Variants in PDE11A observed in about 807,000 individuals in gnomAD.
The protein encoded by PDE11A is dual 3',5'-cyclic-AMP and -GMP phosphodiesterase 11A.
In PDE11A, 100 loss-of-function variants were observed where a neutral mutation model predicts 100.5. That is an observed-to-expected ratio of 1.00 (90% confidence interval 0.85 to 1.18). PDE11A has a LOEUF of 1.18. PDE11A is among the 50% of genes most tolerant of loss of function. The pLI is 0.00. For synonymous variants in PDE11A, 381 were observed against 420.8 expected (o/e 0.91, Z 1.16); for missense variants, 1,141 against 1,152.6 (o/e 0.99, Z 0.15).
chr2:177,909,242 A>AT, intron 2 of PDE11A, among the ~76,000 whole-genome samples: 1 of 152,330 alleles, frequency 6.6e-6, no homozygotes, highest in East Asian at 1.9e-4. Context: ...TTAACATGGC[A>AT]TTTTGAATGG....
chr2:177,856,411 C>T (rs1454963363), intron 5 of PDE11A, among the ~76,000 whole-genome samples: 1 of 151,914 alleles, frequency 6.6e-6, no homozygotes, highest in Non-Finnish European at 1.5e-5. Context: ...GTAAAGGATA[C>T]TCCATATATG....
chr2:177,759,173 GCA>G (rs10541503), intron 10 of PDE11A, among the ~76,000 whole-genome samples: 37,786 of 146,962 alleles, frequency 0.26, 4,812 homozygotes, highest in African/African-American at 0.34. Context: ...TGGAGCACGT[GCA>G]CACACACACA....
intron 5 of PDE11A, among the ~76,000 whole-genome samples, chr2:177,841,802 G>A (rs532951355): frequency 1.3e-5 from 2 of 152,312 alleles, no homozygotes; most frequent in Admixed American, 6.5e-5. Flanking sequence ...GCTGAGTCTT[G>A]TAGTTCTTAG....
chr2:177,639,800 G>A (rs1237192535), intron 19 of PDE11A, among the ~76,000 whole-genome samples: 1 of 152,116 alleles, frequency 6.6e-6, no homozygotes. Flanking sequence ...GGCAGATGTG[G>A]GACAAGGGAG....
At chr2:177,896,852 C>G (rs1574260737) in intron 4 of PDE11A, among the ~76,000 whole-genome samples, 1 of 151,796 alleles carries the variant, frequency 6.6e-6, no homozygotes, top group South Asian at 2.1e-4. Flanking sequence ...GCATGTTCTC[C>G]CAAGGTTCAG....
At position 177,775,316 on chromosome 2, in the gene PDE11A, G is replaced by A. The variant is rs533615466; in HGVS notation, c.1738-5943C>T. On this transcript the variant is annotated intron_variant, in intron 9 of 19. Coordinates refer to ENST00000286063, the MANE Select transcript of PDE11A (RefSeq NM_016953.4). ...CCCATTTCTCTCTCAGTCTTCCCCA[G>A]CTCTGTAAGTGCCACTCCATCCAAT... 2.6e-5 allele frequency among the ~76,000 whole-genome samples: 4 copies of A among 152,238 alleles called. No homozygotes were observed. The East Asian group carries it at 5.8e-4, about 22-fold the overall frequency.
intron 2 of PDE11A, among the ~76,000 whole-genome samples, chr2:177,959,584 C>T (rs2085607454): frequency 6.6e-6 from 1 of 152,106 alleles, no homozygotes; most frequent in African/African-American, 2.4e-5. Flanking sequence ...ATATTTTAAG[C>T]TAACAGGGAC....
chr2:177,998,769 A>G (rs1310336979), intron 2 of PDE11A: 14 of 769,886 alleles, frequency 1.8e-5, no homozygotes, highest in Non-Finnish European at 3.0e-5. Flanking sequence ...TACCATCGGC[A>G]TGGTGAGCGA....
intron 1 of PDE11A, among the ~76,000 whole-genome samples, chr2:178,043,000 AT>A (rs567177315): frequency 1.3e-5 from 2 of 152,070 alleles, no homozygotes; most frequent in Non-Finnish European, 2.9e-5. Flanking sequence ...GATTTTATAG[AT>A]TTTTTTCCTT....
chr2:178,091,610 A>G (rs569133371), intron 2 of PDE11A, among the ~76,000 whole-genome samples: 1 of 152,300 alleles, frequency 6.6e-6, no homozygotes, highest in East Asian at 1.9e-4. Flanking sequence ...GTACAGACTC[A>G]GCTTCTCCTT....
intron 15 of PDE11A, among the ~76,000 whole-genome samples, chr2:177,685,145 A>G (rs1382638798): frequency 6.6e-6 from 1 of 152,230 alleles, no homozygotes; most frequent in Non-Finnish European, 1.5e-5. Flanking sequence ...TAGAAGCTCA[A>G]TAAATATTTG....
At chr2:177,710,848 CTG>C (rs1251770645) in intron 13 of PDE11A, among the ~76,000 whole-genome samples, 1 of 152,224 alleles carries the variant, frequency 6.6e-6, no homozygotes, top group African/African-American at 2.4e-5. Context: ...AAAGAGCAGA[CTG>C]TGAAAGTTTC....
chr2:178,082,940 T>A (rs1381751863), intron 2 of PDE11A, among the ~76,000 whole-genome samples: 1 of 152,172 alleles, frequency 6.6e-6, no homozygotes, highest in Non-Finnish European at 1.5e-5. Context: ...CAATCATGGC[T>A]GAGAACTTAG....
chr2:177,997,963 AG>A, intron 2 of PDE11A: 1 of 1,201,790 alleles, frequency 8.3e-7, no homozygotes, highest in Non-Finnish European at 1.2e-6. Context: ...CAAGATACCA[AG>A]GTTAGGGAGA....
chr2:177,748,038 G>GCC (rs2081977259), intron 10 of PDE11A, among the ~76,000 whole-genome samples: 1 of 152,084 alleles, frequency 6.6e-6, no homozygotes, highest in South Asian at 2.1e-4. Flanking sequence ...CATTCAGGAT[G>GCC]CCCTGCTCAA....
intron 15 of PDE11A, among the ~76,000 whole-genome samples, chr2:177,696,228 T>C (rs763077362): frequency 1.1e-4 from 16 of 152,146 alleles, no homozygotes; most frequent in Non-Finnish European, 2.2e-4. Flanking sequence ...TGAGGAAGTT[T>C]GGAGTGAAGA....
chr2:177,735,101 G>T (rs1232123100), intron 10 of PDE11A, among the ~76,000 whole-genome samples: 1 of 152,196 alleles, frequency 6.6e-6, no homozygotes, highest in Non-Finnish European at 1.5e-5. Context: ...GAAGCAAACG[G>T]GCAATTACAG....
intron 7 of PDE11A, among the ~76,000 whole-genome samples, chr2:177,818,391 T>C (rs2083079049): frequency 6.6e-6 from 1 of 151,806 alleles, no homozygotes; most frequent in African/African-American, 2.4e-5. Flanking sequence ...ACATAAGCTT[T>C]GGACTTAGAT....
intron 9 of PDE11A, chr2:177,797,075 C>G (rs1166977625): frequency 6.6e-6 from 1 of 152,158 alleles, no homozygotes; most frequent in Non-Finnish European, 1.5e-5. Flanking sequence ...AATCAATGGG[C>G]AAGTCTTCAT....
Sources: allele counts gnomAD v4.1 joint callset (sites outside exome capture counted in the v4.1 genomes callset), GRCh38; gene constraint gnomAD v4.1.1; transcripts MANE v1.5; gene names NCBI Gene and HGNC (gene_info 2026-07-23, HGNC 2026-07-21).